The following BMPR1B variants were observed in gnomAD, a reference collection of about 807,000 sequenced individuals.
The protein encoded by BMPR1B is bone morphogenetic protein receptor type-1B.
BMPR1B carries 12 observed loss-of-function variants against 59.1 expected under a neutral mutation model. The ratio of observed to expected loss-of-function variants is 0.20; its 90% CI spans 0.13 to 0.33. BMPR1B has a LOEUF of 0.33. Among genes scored for constraint, BMPR1B ranks in the 10% least tolerant of loss-of-function variants. The pLI is 1.00. For synonymous variants in BMPR1B, 237 were observed against 207.3 expected, an observed-to-expected ratio of 1.14 and a Z score of -1.23; for missense variants, 550 against 610.9, an observed-to-expected ratio of 0.90 and a Z score of 1.05.
At chr4:94,821,980 T>C (rs557963773) in intron 1 of BMPR1B, among the ~76,000 whole-genome samples, 51 of 152,322 alleles carry the variant, frequency 3.3e-4, no homozygotes, top group African/African-American at 1.2e-3. Context: ...GGTGATTGTT[T>C]ATAGTCTTAG....
chr4:94,923,271 C>T (rs1048512683), intron 2 of BMPR1B, among the ~76,000 whole-genome samples: 2 of 151,958 alleles, frequency 1.3e-5, no homozygotes, highest in African/African-American at 2.4e-5. Context: ...AATATTATTC[C>T]TATTTGCCGA....
At chr4:94,846,759 C>T (rs7691832) in intron 1 of BMPR1B, among the ~76,000 whole-genome samples, 93,026 of 151,512 alleles carry the variant, frequency 0.61, 29,565 homozygotes, top group African/African-American at 0.78. Flanking sequence ...TTAGTTCTGT[C>T]CTTCTAGAGA....
chr4:94,775,939 A>C (rs1722347693), intron 1 of BMPR1B, among the ~76,000 whole-genome samples: 1 of 152,028 alleles, frequency 6.6e-6, no homozygotes, highest in African/African-American at 2.4e-5. Context: ...AAAGTATAAA[A>C]AATTAGCCGG....
At chr4:95,009,592 G>C (rs778738458) in intron 3 of BMPR1B, among the ~76,000 whole-genome samples, 1 of 152,156 alleles carries the variant, frequency 6.6e-6, no homozygotes, top group Non-Finnish European at 1.5e-5. Context: ...GCAAGTTGAA[G>C]TTGGCTTCAT....
intron 2 of BMPR1B, among the ~76,000 whole-genome samples, chr4:94,973,517 A>C (rs1730894203): frequency 6.6e-6 from 1 of 152,168 alleles, no homozygotes; most frequent in Admixed American, 6.5e-5. Flanking sequence ...TGTCCCTCTG[A>C]AGTCAAGCTG....
At chr4:94,944,844 G>T (rs1447067317) in intron 2 of BMPR1B, among the ~76,000 whole-genome samples, 1 of 152,114 alleles carries the variant, frequency 6.6e-6, no homozygotes, top group Non-Finnish European at 1.5e-5. Flanking sequence ...CTGACTGTAT[G>T]GGACACATAA....
At chr4:94,866,279 A>G (rs1405155580) in intron 1 of BMPR1B, among the ~76,000 whole-genome samples, 2 of 152,178 alleles carry the variant, frequency 1.3e-5, no homozygotes, top group African/African-American at 4.8e-5. Flanking sequence ...AGGTCATCGG[A>G]GACATGCACC....
chr4:94,839,269 AT>A (rs1724947719), intron 1 of BMPR1B, among the ~76,000 whole-genome samples: 1 of 134,970 alleles, frequency 7.4e-6, no homozygotes, highest in South Asian at 2.6e-4. Context: ...GTAGATGTCT[AT>A]TAGGTCTGCT....
At chr4:94,979,639 A>G (rs1042424991) in intron 2 of BMPR1B, among the ~76,000 whole-genome samples, 1 of 152,252 alleles carries the variant, frequency 6.6e-6, no homozygotes, top group African/African-American at 2.4e-5. Context: ...CTAGCTTTGT[A>G]TAAGTATTGA....
chr4:94,956,854 C>T (rs906789489), intron 2 of BMPR1B, among the ~76,000 whole-genome samples: 1 of 151,710 alleles, frequency 6.6e-6, no homozygotes, highest in Non-Finnish European at 1.5e-5. Context: ...GTAATTGTAA[C>T]TACATCTTTT....
chr4:95,059,715 T>C (rs1727211010), intron 3 of BMPR1B, among the ~76,000 whole-genome samples: 3 of 152,186 alleles, frequency 2.0e-5, no homozygotes, highest in South Asian at 2.1e-4. Context: ...ATTTCATCTC[T>C]TTCTTATGCT....
intron 3 of BMPR1B, among the ~76,000 whole-genome samples, chr4:95,037,691 T>G (rs536962300): frequency 6.6e-6 from 1 of 152,128 alleles, no homozygotes; most frequent in Admixed American, 6.5e-5. Flanking sequence ...ATAAATATGG[T>G]AGGTAGAGAA....
chr4:94,783,965 C>G (rs1040573695), intron 1 of BMPR1B, among the ~76,000 whole-genome samples: 1 of 152,084 alleles, frequency 6.6e-6, no homozygotes, highest in Non-Finnish European at 1.5e-5. Flanking sequence ...TCTCTCATAT[C>G]GAGCTGGAGG....
chr4:95,106,306 CT>C (rs1277641398), intron 4 of BMPR1B, among the ~76,000 whole-genome samples: 1 of 151,904 alleles, frequency 6.6e-6, no homozygotes, highest in African/African-American at 2.4e-5. Context: ...TTGACATGAT[CT>C]GATTTGTTTC....
In BMPR1B at chr4:94,832,932, C is replaced by T. The variant is rs17615716; in HGVS notation, c.-182-42899C>T. Reference sequence around the variant, plus strand: ...TTATCTTTAAAATGCAGGGATAGGCCGGGAACGGTGGCCCATGAGGCTGGG... The same window carrying T: ...TTATCTTTAAAATGCAGGGATAGGCTGGGAACGGTGGCCCATGAGGCTGGG... On this transcript the variant is annotated intron_variant, in intron 1 of 12. Transcript: ENST00000515059. Among the ~76,000 whole-genome samples the T allele has an allele frequency of 3.3e-3, 502 of 151,880 alleles. 9 individuals carry two copies. The East Asian group carries it at 0.043, about 13-fold the overall frequency.
chr4:94,848,810 G>A (rs886804030), intron 1 of BMPR1B, among the ~76,000 whole-genome samples: 1 of 152,012 alleles, frequency 6.6e-6, no homozygotes, highest in African/African-American at 2.4e-5. Context: ...TAAAATTCAG[G>A]GTGTATTTAA....
chr4:94,988,534 A>C (rs922883081), intron 2 of BMPR1B, among the ~76,000 whole-genome samples: 11 of 152,192 alleles, frequency 7.2e-5, no homozygotes, highest in African/African-American at 2.7e-4. Context: ...TGTCATATAA[A>C]AGTTTAAAAA....
At chr4:94,948,932 A>C (rs1294148296) in intron 2 of BMPR1B, among the ~76,000 whole-genome samples, 2 of 152,122 alleles carry the variant, frequency 1.3e-5, no homozygotes, top group African/African-American at 4.8e-5. Flanking sequence ...TGTTTTAAGC[A>C]GTTTATTAGT....
chr4:95,075,008 C>T (rs1728598225), intron 3 of BMPR1B, among the ~76,000 whole-genome samples: 1 of 152,020 alleles, frequency 6.6e-6, no homozygotes, highest in East Asian at 1.9e-4. Context: ...ACCTGGAAAC[C>T]AAAAATTTGT....
Sources: allele counts gnomAD v4.1 joint callset (sites outside exome capture counted in the v4.1 genomes callset), GRCh38; gene constraint gnomAD v4.1.1; transcripts MANE v1.5; gene names NCBI Gene and HGNC (gene_info 2026-07-23, HGNC 2026-07-21).